ACSS3: variants seen among roughly 807,000 people sequenced by gnomAD.
ACSS3 encodes acyl-CoA synthetase short chain family member 3.
In ACSS3, 64 loss-of-function variants were observed where a neutral mutation model predicts 84.2. The ratio of observed to expected loss-of-function variants is 0.76; its 90% CI spans 0.62 to 0.94. The LOEUF (loss-of-function observed/expected upper bound fraction) is 0.94, where lower values mean the gene tolerates loss of function less well. Among genes scored for constraint, ACSS3 ranks in the 40% least tolerant of loss-of-function variants. The pLI is 0.00. For synonymous variants in ACSS3, 317 were observed against 310.1 expected, an observed-to-expected ratio of 1.02 and a Z score of -0.23; for missense variants, 815 against 867.6, an observed-to-expected ratio of 0.94 and a Z score of 0.76.
In ACSS3 at chr12:81,253,668, A is replaced by G. The variant is rs750244795; in HGVS notation, c.1993A>G (p.Lys665Glu). The change falls in exon 15 of 16, where the codon AAG (lysine) becomes GAG (glutamate). Residue 665 changes from lysine (K) to glutamate (E), a missense_variant and splice_region_variant. Physicochemically the swap from Lys to Glu is moderately conservative, Grantham distance 56. Coordinates refer to ENST00000548058, the MANE Select transcript of ACSS3 (RefSeq NM_024560.4). ...LSAIVNGKPY[K>E]ITSTIEDPSI... ...TGCCATTGTCAATGGCAAGCCATAC[A>G]AGGTAAATTATCAAAGATATTTATT... The G allele has an allele frequency of 4.4e-5, 71 of 1,609,776 alleles. No homozygotes were observed. The Admixed American group carries it at 1.1e-3, about 26-fold the overall frequency.
intron 11 of ACSS3, among the ~76,000 whole-genome samples, chr12:81,225,281 C>G (rs2033236426): frequency 6.6e-6 from 1 of 151,736 alleles, no homozygotes; most frequent in South Asian, 2.1e-4. Context: ...ATGAGTCTTT[C>G]TTTAGAGATT....
intron 1 of ACSS3, among the ~76,000 whole-genome samples, chr12:81,107,090 A>G (rs1883075093): frequency 1.3e-5 from 2 of 151,996 alleles, no homozygotes; most frequent in South Asian, 2.1e-4. Context: ...GCTATAAGGT[A>G]TGGAGCTCAG....
At chr12:81,223,695 G>T (rs573974855) in intron 11 of ACSS3, among the ~76,000 whole-genome samples, 2 of 152,022 alleles carry the variant, frequency 1.3e-5, no homozygotes, top group South Asian at 4.1e-4. Context: ...AATCTCTTCT[G>T]GGGAGATAAA....
intron 13 of ACSS3, among the ~76,000 whole-genome samples, chr12:81,243,725 T>A (rs2033889551): frequency 6.6e-6 from 1 of 152,146 alleles, no homozygotes; most frequent in African/African-American, 2.4e-5. Context: ...AACTATCTGA[T>A]CTTTGACAAA....
chr12:81,134,607 ATAG>A (rs1263008843), intron 2 of ACSS3, among the ~76,000 whole-genome samples: 1 of 152,122 alleles, frequency 6.6e-6, no homozygotes, highest in African/African-American at 2.4e-5. Context: ...TGACATAATA[ATAG>A]TAGGTTGGTT....
At chr12:81,243,909 A>AT (rs2033896153) in intron 13 of ACSS3, among the ~76,000 whole-genome samples, 1 of 152,150 alleles carries the variant, frequency 6.6e-6, no homozygotes, top group Non-Finnish European at 1.5e-5. Flanking sequence ...TTTATTTTAC[A>AT]TTTGTTTATT....
intron 8 of ACSS3, among the ~76,000 whole-genome samples, chr12:81,184,062 C>T (rs921391943): frequency 1.3e-5 from 2 of 151,854 alleles, no homozygotes; most frequent in Admixed American, 1.3e-4. Flanking sequence ...CCCTAACAAA[C>T]TTAATAAGAT....
At chr12:81,213,959 CTTTCTTTCTT>C (rs2032785513) in intron 9 of ACSS3, among the ~76,000 whole-genome samples, 3 of 75,848 alleles carry the variant, frequency 4.0e-5, no homozygotes, top group African/African-American at 5.3e-5. Flanking sequence ...CCCTCTCTCT[CTTTCTTTCTT>C]TCTTTCTTTC....
At chr12:81,102,477 T>G (rs1274309469) in intron 1 of ACSS3, among the ~76,000 whole-genome samples, 1 of 152,088 alleles carries the variant, frequency 6.6e-6, no homozygotes, top group Non-Finnish European at 1.5e-5. Context: ...ATGTGTGGCT[T>G]AATAATAGTA....
chr12:81,209,586 A>T (rs2032502216), intron 9 of ACSS3, among the ~76,000 whole-genome samples: 2 of 152,198 alleles, frequency 1.3e-5, no homozygotes, highest in South Asian at 4.2e-4. Flanking sequence ...GACCGCAAGA[A>T]GGGGTTCTTG....
chr12:81,137,364 C>CACACACACA (rs1885864952), intron 3 of ACSS3, among the ~76,000 whole-genome samples: 1 of 146,006 alleles, frequency 6.8e-6, no homozygotes, highest in African/African-American at 2.5e-5. Context: ...CACACACACA[C>CACACACACA]CCCTAATACT....
chr12:81,166,525 A>C (rs1887410529), intron 7 of ACSS3, among the ~76,000 whole-genome samples: 2 of 152,180 alleles, frequency 1.3e-5, no homozygotes, highest in Non-Finnish European at 1.5e-5. Flanking sequence ...TGAGAGTTAG[A>C]AATTGGAGTC....
chr12:81,205,941 A>T (rs2032327950), intron 9 of ACSS3, among the ~76,000 whole-genome samples: 1 of 152,100 alleles, frequency 6.6e-6, no homozygotes, highest in Non-Finnish European at 1.5e-5. Flanking sequence ...TGCAAAATAC[A>T]TTCCTAGGCA....
intron 1 of ACSS3, among the ~76,000 whole-genome samples, chr12:81,107,844 G>A (rs935837029): frequency 1.3e-5 from 2 of 151,850 alleles, no homozygotes; most frequent in Non-Finnish European, 2.9e-5. Flanking sequence ...GTTCCCACCT[G>A]CAGGTGTTCA....
At chr12:81,083,847 G>T (rs2121281389) in intron 1 of ACSS3, among the ~76,000 whole-genome samples, 1 of 152,178 alleles carries the variant, frequency 6.6e-6, no homozygotes, top group African/African-American at 2.4e-5. Context: ...GCACACACCG[G>T]TAATCCTAGC....
intron 1 of ACSS3, among the ~76,000 whole-genome samples, chr12:81,106,452 T>C (rs550569956): frequency 6.6e-6 from 1 of 152,298 alleles, no homozygotes; most frequent in Non-Finnish European, 1.5e-5. Context: ...TATTTCATTA[T>C]ATGTTATAAT....
chr12:81,217,793 A>G (rs1466981438), intron 10 of ACSS3, among the ~76,000 whole-genome samples: 1 of 152,136 alleles, frequency 6.6e-6, no homozygotes, highest in Non-Finnish European at 1.5e-5. Context: ...CAGTGAGCTG[A>G]GATCGTGCCA....
intron 2 of ACSS3, among the ~76,000 whole-genome samples, chr12:81,134,525 G>A (rs1196741852): frequency 6.6e-6 from 1 of 151,942 alleles, no homozygotes; most frequent in South Asian, 2.1e-4. Flanking sequence ...TACTATGTCT[G>A]GTGTATAATA....
intron 11 of ACSS3, among the ~76,000 whole-genome samples, chr12:81,228,700 C>T (rs969467275): frequency 6.6e-6 from 1 of 151,770 alleles, no homozygotes; most frequent in African/African-American, 2.4e-5. Flanking sequence ...ATGCAGTCCT[C>T]TTGGTCCTAT....
Sources: gnomAD v4.1 joint callset for allele counts (sites outside exome capture counted in the v4.1 genomes callset) on GRCh38, gnomAD v4.1.1 for gene constraint, MANE v1.5 for transcripts, NCBI Gene and HGNC (gene_info 2026-07-23, HGNC 2026-07-21) for gene names.